Variants in ATAD2 observed in about 807,000 individuals in gnomAD.
ATAD2 encodes the protein ATPase family AAA domain-containing protein 2.
A neutral mutation model predicts 168.9 loss-of-function variants in ATAD2; 62 were observed. The ratio of observed to expected loss-of-function variants is 0.37; its 90% confidence interval spans 0.30 to 0.45. The LOEUF (loss-of-function observed/expected upper bound fraction) is 0.45, where lower values mean the gene tolerates loss of function less well. ATAD2 is among the 20% of genes least tolerant of loss of function. The pLI, the probability that ATAD2 is intolerant of heterozygous loss-of-function variation, is 1.00. For synonymous variants in ATAD2, 613 were observed against 571.6 expected, an observed-to-expected ratio of 1.07 and a Z score of -1.03; for missense variants, 1,419 against 1,667.8, an observed-to-expected ratio of 0.85 and a Z score of 2.60.
chr8:123,354,634 G>T (rs1239830385), intron 13 of ATAD2, among the ~76,000 whole-genome samples: 1 of 151,538 alleles, frequency 6.6e-6, no homozygotes, highest in African/African-American at 2.4e-5. Flanking sequence ...CTGAGGTCAG[G>T]AGTTCAAGAC....
chr8:123,370,135 CT>C, intron 6 of ATAD2, 111 bp from the exon 7 acceptor site: 2 of 801,972 alleles, frequency 2.5e-6, no homozygotes, highest in Non-Finnish European at 3.8e-6. Flanking sequence ...TTATCTACTC[CT>C]AAAAAAAAAA....
rs538523469 is a variant in ATAD2 at position 123,354,476 on chromosome 8, C to T, written c.1646+1913G>A. Among the ~76,000 whole-genome samples, 21 of 152,116 alleles carry T rather than the reference C, an allele frequency of 1.4e-4. No homozygotes were observed. The South Asian group carries it at 2.3e-3, about 17-fold the overall frequency. On this transcript the variant is annotated intron_variant, in intron 13 of 27. Transcript: ENST00000287394. ...ATCCCAGCACTTTGGGAGGCAGAGACGGGTGGATCACCTAAAGTCAGGAGT... is the reference window on the plus strand; with the variant it reads ...ATCCCAGCACTTTGGGAGGCAGAGATGGGTGGATCACCTAAAGTCAGGAGT...
chr8:123,384,621 G>A (rs1488217592), intron 1 of ATAD2, among the ~76,000 whole-genome samples: 1 of 152,162 alleles, frequency 6.6e-6, no homozygotes, highest in African/African-American at 2.4e-5. Context: ...CCATGTGCCA[G>A]GCCCATGCAA....
At chr8:123,393,417 G>A (rs1431019523) in intron 1 of ATAD2, among the ~76,000 whole-genome samples, 5 of 151,742 alleles carry the variant, frequency 3.3e-5, no homozygotes, top group Non-Finnish European at 7.4e-5. Flanking sequence ...AGGCTGAGGT[G>A]GAGAATCACT....
At chr8:123,363,226 T>C (rs914437812) in intron 8 of ATAD2, among the ~76,000 whole-genome samples, 2 of 152,230 alleles carry the variant, frequency 1.3e-5, no homozygotes, top group Non-Finnish European at 2.9e-5. Flanking sequence ...TCGGAAGTTA[T>C]TCCATTATTC....
At chr8:123,374,774 C>T (rs991391581) in intron 2 of ATAD2, among the ~76,000 whole-genome samples, 3 of 152,272 alleles carry the variant, frequency 2.0e-5, no homozygotes, top group Admixed American at 6.5e-5. Context: ...GTTTGTCAAC[C>T]GCTGCAAATC....
chr8:123,369,717 T>C lies in ATAD2; in HGVS notation c.931+104A>G, dbSNP rs1338229495. ...CAACAGTAATGAGTATTCAACAAAATGAAAATATGAAAAATACCAAAAAGA... is the reference window on the plus strand; with the variant it reads ...CAACAGTAATGAGTATTCAACAAAACGAAAATATGAAAAATACCAAAAAGA... On this transcript the variant is annotated intron_variant, in intron 7 of 27. Transcript: ENST00000287394. 6 of 1,023,204 alleles carry C rather than the reference T, an allele frequency of 5.9e-6. No homozygotes were observed. The African/African-American group carries it at 9.7e-5, about 16-fold the overall frequency. 63.4% of individuals were successfully genotyped at this position (1,023,204 alleles called of 1,614,324 possible). A position where few individuals can be genotyped will look rare whatever the true frequency, so the allele number is the denominator to read the frequency against.
At chr8:123,359,782 ATC>A in intron 9 of ATAD2, 97 bp from the exon 10 acceptor site, 1 of 827,280 alleles carries the variant, frequency 1.2e-6, no homozygotes, top group Non-Finnish European at 1.9e-6. Context: ...TAAAAAAAAA[ATC>A]TAAATTTCAA....
intron 21 of ATAD2, 122 bp from the exon 22 acceptor site, chr8:123,336,654 T>G: frequency 1.3e-6 from 1 of 747,934 alleles, no homozygotes; most frequent in Non-Finnish European, 1.9e-6. Flanking sequence ...TGATAATATA[T>G]TTAACATAAA....
At chr8:123,353,350 TGAGACTCTGTCACAAAAC>T (rs1828534726) in intron 13 of ATAD2, among the ~76,000 whole-genome samples, 1 of 151,512 alleles carries the variant, frequency 6.6e-6, no homozygotes, top group Admixed American at 6.6e-5. Context: ...GGTGACAGAG[TGAGACTCTGTCACAAAAC>T]AACAACAACA....
At chr8:123,414,631 A>G (rs1304319170) in intron 1 of ATAD2, among the ~76,000 whole-genome samples, 2 of 152,196 alleles carry the variant, frequency 1.3e-5, no homozygotes, top group Admixed American at 6.5e-5. Context: ...CCCCCACCAA[A>G]AAATTATTAT....
chr8:123,348,123 A>C (rs1166869512), intron 15 of ATAD2, 60 bp downstream of exon 15: 1 of 1,361,908 alleles, frequency 7.3e-7, no homozygotes, highest in South Asian at 1.3e-5. Flanking sequence ...ACCTAATATA[A>C]CTTGTTTCAT....
At chr8:123,400,985 A>T, upstream of ATAD2, 4 of 1,459,226 alleles carry the variant, frequency 2.7e-6, no homozygotes, top group South Asian at 3.4e-5. The surrounding 1 kb of genome is among the most constrained non-coding windows in gnomAD (Gnocchi z 4.5). Flanking sequence ...ACGATGCGGC[A>T]TGGCTTCTCT....
In ATAD2 at chr8:123,328,307, C is replaced by G; in HGVS notation, c.3751G>C (p.Glu1251Gln). The stretch of plus-strand genomic sequence containing the variant: ...GTAGTCTTCCTAGAGTCTTCAAGCT[C>G]ATTCTCTATATTACAAGTATTTGAA... Reference protein sequence around the residue: ...NNSNTCNIENELEDSRKTTAC... With the variant: ...NNSNTCNIENQLEDSRKTTAC... Residue 1251 changes from glutamate (E) to glutamine (Q), a missense_variant, in exon 25 of 28, where the codon GAG (glutamate) becomes CAG (glutamine). Transcript: ENST00000287394. 6.2e-7 allele frequency: 1 copy of G among 1,605,738 alleles called. No individual in the cohort carries two copies. Among genetic ancestry groups the G allele is most frequent in the Non-Finnish European group, 8.5e-7 (1 of 1,177,196 alleles).
intron 19 of ATAD2, 41 bp from the exon 20 acceptor site, chr8:123,339,487 G>A: frequency 6.8e-7 from 1 of 1,480,536 alleles, no homozygotes; most frequent in East Asian, 2.4e-5. Context: ...CATATATACA[G>A]ATGATCCCCA....
At chr8:123,341,083 T>C (rs557966279) in intron 19 of ATAD2, among the ~76,000 whole-genome samples, 7 of 152,078 alleles carry the variant, frequency 4.6e-5, no homozygotes, top group African/African-American at 7.2e-5. Flanking sequence ...GCTGGGACTA[T>C]AGGTGCACAC....
At chr8:123,389,378 A>G (rs1284377749) in intron 1 of ATAD2, among the ~76,000 whole-genome samples, 2 of 145,238 alleles carry the variant, frequency 1.4e-5, no homozygotes, top group Non-Finnish European at 3.0e-5. Flanking sequence ...GGTGGCTCAC[A>G]TCTGTAATCC....
chr8:123,400,350 T>C (rs1289375885), upstream of ATAD2, among the ~76,000 whole-genome samples: 1 of 151,858 alleles, frequency 6.6e-6, no homozygotes, highest in Non-Finnish European at 1.5e-5. This position sits in a 1 kb window ranked among gnomAD's most constrained non-coding sequence, Gnocchi z 4.5. Flanking sequence ...ACTTCAAAGA[T>C]AGAATTCCCC....
chr8:123,384,091 A>AAAAG (rs1273376216), intron 1 of ATAD2, among the ~76,000 whole-genome samples: 1 of 151,924 alleles, frequency 6.6e-6, no homozygotes. Flanking sequence ...AAAAAAAAAA[A>AAAAG]AAAGAAAGAA....
Sources: allele counts gnomAD v4.1 joint callset (sites outside exome capture counted in the v4.1 genomes callset), GRCh38; gene constraint gnomAD v4.1.1; non-coding constraint Gnocchi (gnomAD v3.1); transcripts MANE v1.5; gene names NCBI Gene and HGNC (gene_info 2026-07-23, HGNC 2026-07-21).